ANK2: variants seen among roughly 807,000 people sequenced by gnomAD.
The protein encoded by ANK2 is ankyrin 2.
In ANK2, 83 loss-of-function variants were observed where a neutral mutation model predicts 360.5. The ratio of observed to expected loss-of-function variants is 0.23; its 90% confidence interval spans 0.19 to 0.28. The LOEUF is 0.28. ANK2 is among the 10% of genes least tolerant of loss of function. ANK2 has a pLI of 1.00. For missense variants in ANK2, 4,201 were observed against 4,795.7 expected (o/e 0.88, Z 3.66); for synonymous variants, 1,740 against 1,759.5 (o/e 0.99, Z 0.28).
At chr4:113,221,658 C>CAAAAAAA (rs60808406) in intron 4 of ANK2, among the ~76,000 whole-genome samples, 6 of 127,894 alleles carry the variant, frequency 4.7e-5, no homozygotes, top group African/African-American at 1.5e-4. Context: ...GACTCCACTT[C>CAAAAAAA]AAAAAAAAAA....
At chr4:113,121,300 A>G (rs1305670759) in intron 1 of ANK2, among the ~76,000 whole-genome samples, 2 of 152,194 alleles carry the variant, frequency 1.3e-5, no homozygotes, top group African/African-American at 4.8e-5. Flanking sequence ...GTCTGGCTCT[A>G]AAGTTCATTG....
At position 113,354,334 on chromosome 4, in the gene ANK2, C is replaced by G. The variant is rs1044124247; in HGVS notation, c.5716C>G (p.Pro1906Ala). Residue 1906 changes from proline (P) to alanine (A), a missense_variant, in exon 38 of 46, where the codon CCT becomes GCT. By Grantham distance (27) the Pro-to-Ala change is conservative (BLOSUM62 -1). This residue lies in a region of ANK2 where 2,642 missense variants were observed against 2,714.5 expected (regional missense o/e 0.97). Transcript: ENST00000357077. ...TKTERHPPVS[P>A]SGKTDKRPPV... Reference sequence around the variant, plus strand: ...AACAGAAAGACACCCACCTGTTTCGCCTTCAGGCAAAACAGACAAACGTCC... The same window carrying G: ...AACAGAAAGACACCCACCTGTTTCGGCTTCAGGCAAAACAGACAAACGTCC... 19 of 1,614,124 alleles carry G rather than the reference C, an allele frequency of 1.2e-5. No individual in the cohort carries two copies. Among genetic ancestry groups the G allele is most frequent in the Non-Finnish European group, 1.6e-5 (19 of 1,179,984 alleles).
intron 2 of ANK2, among the ~76,000 whole-genome samples, chr4:113,013,437 T>C (rs1048326826): frequency 6.6e-6 from 1 of 152,196 alleles, no homozygotes; most frequent in Non-Finnish European, 1.5e-5. Flanking sequence ...TTATATATTA[T>C]TGGTATTTAT....
intron 1 of ANK2, among the ~76,000 whole-genome samples, chr4:112,822,125 G>A (rs1264580445): frequency 1.3e-5 from 2 of 151,680 alleles, no homozygotes; most frequent in African/African-American, 4.8e-5. Context: ...TTAAGGGGCC[G>A]GGCACGGTGG....
chr4:113,297,525 G>T (rs557934060), intron 22 of ANK2, among the ~76,000 whole-genome samples: 2 of 151,828 alleles, frequency 1.3e-5, no homozygotes, highest in Non-Finnish European at 2.9e-5. Flanking sequence ...CTTGTACCCC[G>T]TAAGTATGTA....
the ANK2 span, among the ~76,000 whole-genome samples, chr4:112,720,341 T>C: frequency 6.6e-6 from 1 of 152,320 alleles, no homozygotes; most frequent in Admixed American, 6.5e-5. Context: ...TACATGTCTA[T>C]AAAAGTCTCA....
the ANK2 span, among the ~76,000 whole-genome samples, chr4:112,795,521 C>T: frequency 6.6e-5 from 10 of 151,952 alleles, no homozygotes; most frequent in Admixed American, 1.3e-4. Context: ...TTTTATTTTC[C>T]GAGATGGAGT....
At chr4:112,728,702 G>A in the ANK2 span, among the ~76,000 whole-genome samples, 2 of 151,952 alleles carry the variant, frequency 1.3e-5, no homozygotes, top group African/African-American at 4.8e-5. Flanking sequence ...GCAGTCAGCT[G>A]GACTCCAGCC....
chr4:113,353,617 G>A lies in ANK2; in HGVS notation c.4999G>A (p.Glu1667Lys), dbSNP rs267599988. 6.2e-7 allele frequency: 1 copy of A among 1,614,066 alleles called. No individual in the cohort carries two copies. The highest frequency in any genetic ancestry group is 2.2e-5 in the East Asian group (1 of 44,870). Reference protein sequence around the residue: ...TVQDKAGKKCEALAVGRSSEK... With the variant: ...TVQDKAGKKCKALAVGRSSEK... The stretch of plus-strand genomic sequence containing the variant: ...TCAAGATAAGGCAGGGAAGAAATGT[G>A]AGGCTCTGGCTGTTGGCAGGAGCTC... Residue 1667 changes from glutamate (E) to lysine (K), a missense_variant, in exon 38 of 46, where the codon GAG becomes AAG. Physicochemically the swap from Glu to Lys is moderately conservative, Grantham distance 56. Around this residue, in one of 4 missense-constraint regions of ANK2, gnomAD observed 1,268 missense variants for 1,650.8 expected, o/e 0.77. Transcript: ENST00000357077.
intron 2 of ANK2, among the ~76,000 whole-genome samples, chr4:112,968,389 C>T (rs529449361): frequency 6.6e-6 from 1 of 152,178 alleles, no homozygotes; most frequent in Non-Finnish European, 1.5e-5. Context: ...ATGCCACACC[C>T]TTGGCTGAAG....
intron 2 of ANK2, among the ~76,000 whole-genome samples, chr4:112,910,721 CCA>C (rs1458506592): frequency 1.3e-5 from 2 of 151,972 alleles, no homozygotes; most frequent in African/African-American, 4.8e-5. Context: ...ATAGAGACTT[CCA>C]GAGGAACTAA....
the ANK2 span, among the ~76,000 whole-genome samples, chr4:112,767,995 A>G: frequency 6.6e-6 from 1 of 152,152 alleles, no homozygotes. Context: ...GGTGAAGGAG[A>G]AAACAAAGGG....
intron 1 of ANK2, among the ~76,000 whole-genome samples, chr4:113,163,840 C>T (rs2097654004): frequency 6.6e-6 from 1 of 150,498 alleles, no homozygotes; most frequent in Non-Finnish European, 1.5e-5. Context: ...ACAATTCACC[C>T]ATTTATAGTA....
intron 45 of ANK2, chr4:113,378,212 A>G: frequency 1.9e-6 from 2 of 1,066,102 alleles, no homozygotes; most frequent in Non-Finnish European, 2.5e-6. Flanking sequence ...ATGCTTTGCC[A>G]ACTAACACCA....
chr4:113,332,752 A>G (rs545945842), intron 28 of ANK2, among the ~76,000 whole-genome samples: 8 of 152,348 alleles, frequency 5.3e-5, no homozygotes, highest in African/African-American at 1.9e-4. Context: ...ATGCATGTAC[A>G]TTTCTTTTGG....
intron 2 of ANK2, among the ~76,000 whole-genome samples, chr4:113,183,821 T>C (rs2098462425): frequency 6.6e-6 from 1 of 151,540 alleles, no homozygotes; most frequent in Non-Finnish European, 1.5e-5. Flanking sequence ...TTTGGAAGAG[T>C]CACCTGTGTA....
At position 112,953,594 on chromosome 4, in the gene ANK2, C is replaced by T. The variant is rs113556192; in HGVS notation, c.21+49080C>T. On this transcript the variant is annotated intron_variant, in intron 2 of 30. Transcript: ENST00000503271. ...GTTTGCATTAATTGCAGAGCTTTGC[C>T]GTTAGCATTACTCATATGAGACTCT... Among the ~76,000 whole-genome samples, 902 of 152,284 alleles carry T rather than the reference C, an allele frequency of 5.9e-3. 7 individuals are homozygous for T. Among genetic ancestry groups the T allele is most frequent in the African/African-American group, 0.02 (815 of 41,562 alleles).
At chr4:113,126,380 G>A (rs1395517300) in intron 1 of ANK2, among the ~76,000 whole-genome samples, 1 of 152,172 alleles carries the variant, frequency 6.6e-6, no homozygotes, top group African/African-American at 2.4e-5. Context: ...TCTACAGGTA[G>A]TAGTACAAAC....
At chr4:112,712,035 T>TACATAC in the ANK2 span, among the ~76,000 whole-genome samples, 1 of 148,894 alleles carries the variant, frequency 6.7e-6, no homozygotes, top group Admixed American at 6.8e-5. Context: ...AGATGTTACA[T>TACATAC]ACATACACAC....
Sources: allele counts gnomAD v4.1 joint callset (sites outside exome capture counted in the v4.1 genomes callset), GRCh38; gene constraint gnomAD v4.1.1; regional missense constraint gnomAD v4.1.1; transcripts MANE v1.5; gene names NCBI Gene and HGNC (gene_info 2026-07-23, HGNC 2026-07-21).